TCERG1L: variants seen among roughly 807,000 people sequenced by gnomAD.
The protein encoded by TCERG1L is transcription elongation regulator 1 like.
TCERG1L carries 37 observed loss-of-function variants against 56.3 expected under a neutral mutation model. That is an observed-to-expected ratio of 0.66 (90% CI 0.51 to 0.87). The LOEUF is 0.87. TCERG1L is among the 40% of genes least tolerant of loss of function. TCERG1L has a pLI of 0.00. For synonymous variants in TCERG1L, 324 were observed against 326.3 expected (o/e 0.99, Z 0.08); for missense variants, 799 against 774.2 (o/e 1.03, Z -0.38).
chr10:131,305,358 T>A (rs1003140133), intron 3 of TCERG1L, among the ~76,000 whole-genome samples: 4 of 152,070 alleles, frequency 2.6e-5, no homozygotes, highest in African/African-American at 9.7e-5. Flanking sequence ...TTAGATAGCT[T>A]TTCCAAATTC....
chr10:131,208,895 A>C (rs1845581430), intron 4 of TCERG1L, among the ~76,000 whole-genome samples: 1 of 152,094 alleles, frequency 6.6e-6, no homozygotes, highest in African/African-American at 2.4e-5. Flanking sequence ...GTCTCTACTA[A>C]AAATAGAAAA....
At chr10:131,298,305 C>T (rs915722911) in intron 3 of TCERG1L, among the ~76,000 whole-genome samples, 3 of 151,810 alleles carry the variant, frequency 2.0e-5, no homozygotes, top group African/African-American at 7.3e-5. Flanking sequence ...TTTCTTTGAC[C>T]TATGCATTAC....
At chr10:131,246,117 A>G (rs1846034042) in intron 4 of TCERG1L, among the ~76,000 whole-genome samples, 1 of 152,176 alleles carries the variant, frequency 6.6e-6, no homozygotes, top group African/African-American at 2.4e-5. Flanking sequence ...TACAGGGCCC[A>G]TCCCCTGGCT....
chr10:131,285,839 ATAT>A (rs1846534375), intron 3 of TCERG1L, among the ~76,000 whole-genome samples: 1 of 152,200 alleles, frequency 6.6e-6, no homozygotes, highest in Admixed American at 6.5e-5. Context: ...CATCCCTAAA[ATAT>A]TATAACAAGA....
intron 3 of TCERG1L, among the ~76,000 whole-genome samples, chr10:131,297,011 G>A (rs1006760635): frequency 2.0e-5 from 3 of 152,114 alleles, no homozygotes; most frequent in East Asian, 1.9e-4. Flanking sequence ...AGTCTATATC[G>A]TCATTTGTCT....
chr10:131,293,485 G>A (rs563572086), intron 3 of TCERG1L, among the ~76,000 whole-genome samples: 3 of 151,792 alleles, frequency 2.0e-5, no homozygotes, highest in African/African-American at 7.3e-5. Context: ...ACCCCTCCCC[G>A]ACCAGAGACA....
chr10:131,165,032 G>T (rs902074781), intron 5 of TCERG1L, among the ~76,000 whole-genome samples: 1 of 152,184 alleles, frequency 6.6e-6, no homozygotes, highest in African/African-American at 2.4e-5. Flanking sequence ...AATTACAGAG[G>T]CACAGAAGCA....
chr10:131,205,566 T>A (rs1296412597), intron 4 of TCERG1L, among the ~76,000 whole-genome samples: 1 of 152,186 alleles, frequency 6.6e-6, no homozygotes. Context: ...TAAAAATGCT[T>A]CTCTTAAGTA....
chr10:131,134,296 T>C, intron 8 of TCERG1L, 83 bp downstream of exon 8: 1 of 1,231,546 alleles, frequency 8.1e-7, no homozygotes, highest in Non-Finnish European at 1.2e-6. Context: ...ATAGTCAATG[T>C]GGTCAAAATG....
At chr10:131,179,091 G>T (rs901466038) in intron 4 of TCERG1L, among the ~76,000 whole-genome samples, 2 of 152,212 alleles carry the variant, frequency 1.3e-5, no homozygotes, top group African/African-American at 4.8e-5. Flanking sequence ...GGAAGCCGGG[G>T]CTTCTGTGAA....
intron 3 of TCERG1L, among the ~76,000 whole-genome samples, chr10:131,266,275 G>A (rs769306043): frequency 4.6e-5 from 7 of 152,274 alleles, no homozygotes; most frequent in Middle Eastern, 3.4e-3. Flanking sequence ...CTCCAAAGAC[G>A]TCTTGAAACC....
chr10:131,142,992 G>T (rs1250042113), intron 7 of TCERG1L, among the ~76,000 whole-genome samples: 1 of 151,572 alleles, frequency 6.6e-6, no homozygotes, highest in Non-Finnish European at 1.5e-5. Context: ...AGAGAGAGAA[G>T]AGAGAGAGGC....
chr10:131,127,014 T>C (rs959479728), intron 8 of TCERG1L, among the ~76,000 whole-genome samples: 1 of 152,118 alleles, frequency 6.6e-6, no homozygotes, highest in East Asian at 1.9e-4. Flanking sequence ...TTTTCTTGTC[T>C]CTACTTGCTG....
chr10:131,295,505 T>C (rs186446086), intron 3 of TCERG1L, among the ~76,000 whole-genome samples: 82 of 152,360 alleles, frequency 5.4e-4, no homozygotes, highest in African/African-American at 1.9e-3. Flanking sequence ...TTCTAATAAG[T>C]ATGTAGGGAC....
intron 4 of TCERG1L, among the ~76,000 whole-genome samples, chr10:131,171,345 G>C (rs908051014): frequency 2.6e-5 from 4 of 152,226 alleles, no homozygotes; most frequent in Non-Finnish European, 4.4e-5. Flanking sequence ...CCGGGGTCAG[G>C]GTCCTGGAAG....
intron 4 of TCERG1L, among the ~76,000 whole-genome samples, chr10:131,230,169 G>C (rs1290248155): frequency 1.3e-5 from 2 of 152,160 alleles, no homozygotes; most frequent in Non-Finnish European, 2.9e-5. Context: ...AGAGCAGAGG[G>C]GGCAGAGACG....
chr10:131,206,192 G>C (rs1472874217), intron 4 of TCERG1L, among the ~76,000 whole-genome samples: 1 of 152,220 alleles, frequency 6.6e-6, no homozygotes, highest in African/African-American at 2.4e-5. Context: ...TCGGGTGTAC[G>C]CCAAGGTCCG....
chr10:131,185,570 T>C (rs1484317919), intron 4 of TCERG1L, among the ~76,000 whole-genome samples: 2 of 152,046 alleles, frequency 1.3e-5, no homozygotes, highest in African/African-American at 2.4e-5. Flanking sequence ...AATTTGAAAA[T>C]GAGCAAATGA....
chr10:131,298,236 TTTTC>T (rs1846719961), intron 3 of TCERG1L, among the ~76,000 whole-genome samples: 1 of 152,070 alleles, frequency 6.6e-6, no homozygotes, highest in Admixed American at 6.5e-5. Flanking sequence ...TTGATTTTGA[TTTTC>T]TTTTATTTTC....
Sources: gnomAD v4.1 joint callset for allele counts (sites outside exome capture counted in the v4.1 genomes callset) on GRCh38, gnomAD v4.1.1 for gene constraint, MANE v1.5 for transcripts, NCBI Gene and HGNC (gene_info 2026-07-23, HGNC 2026-07-21) for gene names.